Variants in DLG2 observed in about 807,000 individuals in gnomAD.
The protein encoded by DLG2 is discs large MAGUK scaffold protein 2.
In DLG2, 45 loss-of-function variants were observed where a neutral mutation model predicts 132.5. That is an observed-to-expected ratio of 0.34 (90% confidence interval 0.27 to 0.44). DLG2 has a LOEUF of 0.44. DLG2 is among the 20% of genes least tolerant of loss of function. DLG2 has a pLI of 1.00. For synonymous variants in DLG2, 424 were observed against 419.6 expected, an observed-to-expected ratio of 1.01 and a Z score of -0.13; for missense variants, 1,045 against 1,196.9, an observed-to-expected ratio of 0.87 and a Z score of 1.87.
Position 84,701,927 on chromosome 11 carries a change from C to T in DLG2, c.358-167196G>A, listed in dbSNP as rs565042422. On this transcript the variant is annotated intron_variant, in intron 6 of 27. Transcript: ENST00000376104. ...GGTCTCTATGTTTCCCCCTTTCTGT[C>T]GAAATCGTCATCCACAATTTTGTTT... 2.0e-4 allele frequency among the ~76,000 whole-genome samples: 31 copies of T among 151,594 alleles called. 1 individual carries two copies. In the South Asian group the frequency reaches 4.6e-3, roughly 22 times the overall value.
chr11:85,609,609 G>C (rs774647066), intron 2 of DLG2, among the ~76,000 whole-genome samples: 2 of 152,164 alleles, frequency 1.3e-5, no homozygotes, highest in Non-Finnish European at 2.9e-5. Flanking sequence ...GCAATCACTG[G>C]AAGGTGCACT....
chr11:85,607,402 T>A (rs116874058), intron 2 of DLG2, among the ~76,000 whole-genome samples: 7 of 152,204 alleles, frequency 4.6e-5, no homozygotes, highest in Non-Finnish European at 8.8e-5. Flanking sequence ...CCTGCAGCCA[T>A]GAGTGAAACT....
chr11:84,708,520 A>G (rs569409987), intron 6 of DLG2, among the ~76,000 whole-genome samples: 13 of 151,894 alleles, frequency 8.6e-5, no homozygotes, highest in African/African-American at 3.1e-4. Flanking sequence ...TGGGTTTCCT[A>G]TTTATCTACA....
intron 6 of DLG2, among the ~76,000 whole-genome samples, chr11:85,107,624 T>G (rs1220721399): frequency 6.6e-6 from 1 of 152,042 alleles, no homozygotes; most frequent in Non-Finnish European, 1.5e-5. Flanking sequence ...ATTTTCTCAA[T>G]TGTTTGCAGA....
At chr11:83,633,187 A>G in intron 19 of DLG2, 24 bp downstream of exon 19, 1 of 1,603,756 alleles carries the variant, frequency 6.2e-7, no homozygotes. Context: ...CAAAGTGCAG[A>G]TAGAGAAATA....
At chr11:84,332,990 G>C (rs1040236802) in intron 7 of DLG2, among the ~76,000 whole-genome samples, 1 of 152,208 alleles carries the variant, frequency 6.6e-6, no homozygotes, top group Non-Finnish European at 1.5e-5. Flanking sequence ...ATTCAGTTGA[G>C]TGGATGAGTA....
intron 6 of DLG2, among the ~76,000 whole-genome samples, chr11:84,898,577 G>C (rs1287175578): frequency 6.6e-6 from 1 of 151,792 alleles, no homozygotes; most frequent in African/African-American, 2.4e-5. Context: ...AATTATTTCT[G>C]TTACTATCCC....
intron 9 of DLG2, among the ~76,000 whole-genome samples, chr11:84,109,547 G>T (rs1323129680): frequency 6.6e-6 from 1 of 152,196 alleles, no homozygotes; most frequent in East Asian, 1.9e-4. Flanking sequence ...GATGTTGTCA[G>T]TGATACTCCA....
At chr11:84,692,928 G>C (rs2058208313) in intron 6 of DLG2, among the ~76,000 whole-genome samples, 1 of 151,790 alleles carries the variant, frequency 6.6e-6, no homozygotes, top group African/African-American at 2.4e-5. Flanking sequence ...AACGGAAAGG[G>C]AAATTGAGAC....
At chr11:84,506,806 A>C (rs1477117196) in intron 7 of DLG2, among the ~76,000 whole-genome samples, 1 of 152,168 alleles carries the variant, frequency 6.6e-6, no homozygotes, top group Non-Finnish European at 1.5e-5. Flanking sequence ...AAAATGTAAG[A>C]ATTTGTTGGA....
At chr11:83,924,268 A>G (rs2154123995) in intron 15 of DLG2, among the ~76,000 whole-genome samples, 1 of 152,252 alleles carries the variant, frequency 6.6e-6, no homozygotes, top group East Asian at 1.9e-4. Context: ...GAAACAGTTA[A>G]AACATTAAAG....
intron 7 of DLG2, among the ~76,000 whole-genome samples, chr11:84,266,666 G>T (rs1225781126): frequency 1.3e-5 from 2 of 152,186 alleles, no homozygotes; most frequent in African/African-American, 2.4e-5. Flanking sequence ...AGTCATCACT[G>T]AACAAATCCT....
chr11:85,028,720 C>G (rs2060756557), intron 6 of DLG2, among the ~76,000 whole-genome samples: 2 of 152,168 alleles, frequency 1.3e-5, no homozygotes, highest in Admixed American at 1.3e-4. Flanking sequence ...GCAGGCACTT[C>G]TGAGCCTGTG....
chr11:84,432,632 A>G (rs2098988048), intron 7 of DLG2, among the ~76,000 whole-genome samples: 1 of 152,204 alleles, frequency 6.6e-6, no homozygotes, highest in Non-Finnish European at 1.5e-5. Context: ...TACTGCCAGC[A>G]AATGTATTAC....
At chr11:84,530,726 A>G (rs1468441689) in intron 7 of DLG2, among the ~76,000 whole-genome samples, 1 of 152,238 alleles carries the variant, frequency 6.6e-6, no homozygotes, top group Non-Finnish European at 1.5e-5. Context: ...AATTTCTCAA[A>G]TAACTTAAAA....
At chr11:84,093,541 T>C (rs1180057279) in intron 10 of DLG2, among the ~76,000 whole-genome samples, 3 of 152,186 alleles carry the variant, frequency 2.0e-5, no homozygotes, top group Non-Finnish European at 4.4e-5. Context: ...ATAAAAATCA[T>C]AGGAGTGACA....
chr11:84,613,017 T>C (rs1647489294), intron 6 of DLG2, among the ~76,000 whole-genome samples: 1 of 152,162 alleles, frequency 6.6e-6, no homozygotes, highest in African/African-American at 2.4e-5. Context: ...AATTTCTAAA[T>C]GCAAATATAA....
At chr11:84,325,975 G>A (rs1312599517) in intron 7 of DLG2, among the ~76,000 whole-genome samples, 1 of 151,968 alleles carries the variant, frequency 6.6e-6, no homozygotes, top group Non-Finnish European at 1.5e-5. Flanking sequence ...GTTTTGGAAG[G>A]TTATATGTTT....
intron 7 of DLG2, among the ~76,000 whole-genome samples, chr11:84,502,007 A>G (rs1590940233): frequency 6.6e-6 from 1 of 152,076 alleles, no homozygotes. Flanking sequence ...AAATGAGGAC[A>G]TACAATTACT....
Sources: gnomAD v4.1 joint callset for allele counts (sites outside exome capture counted in the v4.1 genomes callset) on GRCh38, gnomAD v4.1.1 for gene constraint, MANE v1.5 for transcripts, NCBI Gene and HGNC (gene_info 2026-07-23, HGNC 2026-07-21) for gene names.